KCNMA1: variants seen among roughly 807,000 people sequenced by gnomAD.
KCNMA1 encodes the protein Calcium-activated potassium channel subunit alpha-1.
Under a neutral mutation model 140.0 loss-of-function variants are expected in KCNMA1, and 29 were observed. The observed-to-expected ratio is 0.21, with a 90% CI of 0.15 to 0.28. The LOEUF (loss-of-function observed/expected upper bound fraction) is 0.28. KCNMA1 is among the 10% of genes least tolerant of loss of function. The pLI is 1.00. For synonymous variants in KCNMA1, 612 were observed against 611.9 expected, an observed-to-expected ratio of 1.00 and a Z score of 0.00; for missense variants, 880 against 1,602.2, an observed-to-expected ratio of 0.55 and a Z score of 7.70.
At chr10:77,637,118 A>G in intron 1 of KCNMA1, 147 bp downstream of exon 1, 1 of 1,265,464 alleles carries the variant, frequency 7.9e-7, no homozygotes. Flanking sequence ...GAGCACCGGG[A>G]GAGCCGAGGG....
chr10:77,117,521 C>A (rs1431113460), intron 6 of KCNMA1, among the ~76,000 whole-genome samples: 7 of 80,424 alleles, frequency 8.7e-5, no homozygotes, highest in Non-Finnish European at 1.5e-4. Context: ...GCCTGGACAA[C>A]AGAGCAAGAG....
At chr10:77,074,923 C>A (rs1289084912) in intron 13 of KCNMA1, among the ~76,000 whole-genome samples, 1 of 152,180 alleles carries the variant, frequency 6.6e-6, no homozygotes, top group Non-Finnish European at 1.5e-5. Flanking sequence ...ACTTTCAGAA[C>A]AATATACAAT....
chr10:77,113,960 C>A (rs545586096), intron 6 of KCNMA1, among the ~76,000 whole-genome samples: 1 of 152,132 alleles, frequency 6.6e-6, no homozygotes, highest in Non-Finnish European at 1.5e-5. Context: ...ACTTGATCAT[C>A]CTACATAGCT....
chr10:77,158,543 C>A (rs969356064), intron 5 of KCNMA1, among the ~76,000 whole-genome samples: 1 of 152,080 alleles, frequency 6.6e-6, no homozygotes, highest in African/African-American at 2.4e-5. Flanking sequence ...CATAGTCCCC[C>A]CCTCCATGAT....
chr10:77,428,475 T>C (rs1039833267), intron 1 of KCNMA1, among the ~76,000 whole-genome samples: 1 of 152,102 alleles, frequency 6.6e-6, no homozygotes, highest in African/African-American at 2.4e-5. Context: ...GTGGAGAGAA[T>C]CCTTAGGGAA....
chr10:77,181,578 C>T (rs996131167), intron 5 of KCNMA1, among the ~76,000 whole-genome samples: 5 of 152,100 alleles, frequency 3.3e-5, no homozygotes, highest in African/African-American at 9.7e-5. Flanking sequence ...AAACAACAGG[C>T]TAGGTAAAGA....
chr10:77,367,060 A>G (rs530016463), intron 2 of KCNMA1, among the ~76,000 whole-genome samples: 1 of 152,330 alleles, frequency 6.6e-6, no homozygotes, highest in African/African-American at 2.4e-5. Context: ...CATGAGAGCA[A>G]AATAGCATGC....
chr10:77,225,341 G>C (rs907903955), intron 3 of KCNMA1, among the ~76,000 whole-genome samples: 1 of 152,150 alleles, frequency 6.6e-6, no homozygotes, highest in Admixed American at 6.5e-5. Context: ...CTAAACAAAG[G>C]CAGGAACTAC....
chr10:77,554,246 C>A (rs1409228159), intron 1 of KCNMA1, among the ~76,000 whole-genome samples: 1 of 152,152 alleles, frequency 6.6e-6, no homozygotes, highest in Admixed American at 6.5e-5. Flanking sequence ...TCTCTGAGGA[C>A]AGTCTGTGGC....
intron 5 of KCNMA1, among the ~76,000 whole-genome samples, chr10:77,128,166 T>C (rs1380729010): frequency 6.6e-6 from 1 of 152,106 alleles, no homozygotes; most frequent in Non-Finnish European, 1.5e-5. Flanking sequence ...CCTGTGTATT[T>C]ATCTTAATTG....
chr10:77,224,283 C>T (rs2050614610), intron 3 of KCNMA1, among the ~76,000 whole-genome samples: 1 of 152,244 alleles, frequency 6.6e-6, no homozygotes, highest in Admixed American at 6.5e-5. Flanking sequence ...GAGCCACATT[C>T]CTTCTGAACA....
At chr10:77,129,258 T>G (rs976438482) in intron 5 of KCNMA1, among the ~76,000 whole-genome samples, 4 of 152,242 alleles carry the variant, frequency 2.6e-5, no homozygotes, top group Non-Finnish European at 5.9e-5. Flanking sequence ...AAGATTCTAA[T>G]GTACAGCCAG....
chr10:77,328,228 C>A (rs2084965943), intron 2 of KCNMA1, among the ~76,000 whole-genome samples: 1 of 152,182 alleles, frequency 6.6e-6, no homozygotes, highest in African/African-American at 2.4e-5. Context: ...ATGTAATTGT[C>A]ATCACCCATG....
intron 1 of KCNMA1, among the ~76,000 whole-genome samples, chr10:77,410,445 A>G (rs1411240872): frequency 6.6e-6 from 1 of 152,234 alleles, no homozygotes; most frequent in African/African-American, 2.4e-5. Flanking sequence ...CCTAGAGCCA[A>G]GCCTTGAAGC....
intron 2 of KCNMA1, among the ~76,000 whole-genome samples, chr10:77,253,065 C>T (rs933517590): frequency 2.0e-5 from 3 of 152,130 alleles, no homozygotes; most frequent in Non-Finnish European, 4.4e-5. Flanking sequence ...CAGGCCTTCG[C>T]TTTTTCCTCT....
In KCNMA1 at chr10:76,953,826, G is replaced by C. The variant is rs1323605265; in HGVS notation, c.2459C>G (p.Pro820Arg). The change falls in exon 21 of 28, where the codon CCC (proline) becomes CGC (arginine). Residue 820 changes from proline to arginine, a missense_variant. Physicochemically the swap from Pro to Arg is moderately radical, Grantham distance 103 (BLOSUM62 -2). This residue lies in a region of KCNMA1 where 82 missense variants were observed against 170.1 expected (regional missense o/e 0.48). Coordinates refer to ENST00000286628, the MANE Select transcript of KCNMA1 (RefSeq NM_001161352.2). Reference sequence around the variant, plus strand: ...CAGGATGACTTTCTCTATCTCCTTGGGTGCACACCAGTGAAACATCCCAGT... The same window carrying C: ...CAGGATGACTTTCTCTATCTCCTTGCGTGCACACCAGTGAAACATCCCAGT... Reference protein sequence around the residue: ...DSTGMFHWCAPKEIEKVILTR... With the variant: ...DSTGMFHWCARKEIEKVILTR... 6.2e-7 allele frequency: 1 copy of C among 1,614,012 alleles called. No homozygotes were observed. Among genetic ancestry groups the C allele is most frequent in the Non-Finnish European group, 8.5e-7 (1 of 1,179,972 alleles).
At chr10:77,630,241 G>A (rs950348884) in intron 1 of KCNMA1, among the ~76,000 whole-genome samples, 13 of 152,180 alleles carry the variant, frequency 8.5e-5, no homozygotes, top group African/African-American at 2.9e-4. Flanking sequence ...GGGCATCACC[G>A]CAGTGCAGCC....
chr10:76,949,053 G>A (rs1380135720), intron 22 of KCNMA1, 89 bp downstream of exon 22: 2 of 1,070,786 alleles, frequency 1.9e-6, no homozygotes, highest in Non-Finnish European at 2.9e-6. Flanking sequence ...GCACAGGCAT[G>A]ATCAAAGCTA....
At chr10:76,985,148 T>C (rs755900395) in intron 19 of KCNMA1, among the ~76,000 whole-genome samples, 9 of 152,240 alleles carry the variant, frequency 5.9e-5, no homozygotes, top group Non-Finnish European at 1.2e-4. Context: ...ACACACTGGT[T>C]GTAGTTTAAT....
Sources: gnomAD v4.1 joint callset for allele counts (sites outside exome capture counted in the v4.1 genomes callset) on GRCh38, gnomAD v4.1.1 for gene constraint, gnomAD v4.1.1 regional missense constraint, MANE v1.5 for transcripts, NCBI Gene and HGNC (gene_info 2026-07-23, HGNC 2026-07-21) for gene names.